The following ZNF385B variants were observed in gnomAD, a reference collection of about 807,000 sequenced individuals.
ZNF385B encodes the protein zinc finger protein 385B.
Under a neutral mutation model 39.2 loss-of-function variants are expected in ZNF385B, and 23 were observed. The observed-to-expected ratio is 0.59, with a 90% CI of 0.42 to 0.83. ZNF385B has a LOEUF of 0.83. Among genes scored for constraint, ZNF385B ranks in the 40% least tolerant of loss-of-function variants. The pLI, the probability that ZNF385B is intolerant of heterozygous loss-of-function variation, is 0.00. For missense variants in ZNF385B, 552 were observed against 598.9 expected, an observed-to-expected ratio of 0.92 and a Z score of 0.82; for synonymous variants, 205 against 222.6, an observed-to-expected ratio of 0.92 and a Z score of 0.70.
At chr2:179,624,185 T>C (rs12612821) in intron 3 of ZNF385B, among the ~76,000 whole-genome samples, 23,377 of 152,134 alleles carry the variant, frequency 0.15, 1,941 homozygotes, top group East Asian at 0.25. Context: ...ATTTATTTTC[T>C]CTAGGTATTT....
At chr2:179,753,447 T>C (rs356410) in intron 3 of ZNF385B, among the ~76,000 whole-genome samples, 4 of 152,148 alleles carry the variant, frequency 2.6e-5, no homozygotes, top group African/African-American at 9.7e-5. Flanking sequence ...ATATGAACTT[T>C]AAAGTAGTTT....
At chr2:179,707,987 C>A (rs150783073) in intron 3 of ZNF385B, among the ~76,000 whole-genome samples, 129 of 152,330 alleles carry the variant, frequency 8.5e-4, no homozygotes, top group Middle Eastern at 3.4e-3. Flanking sequence ...AAGGCCAAGG[C>A]TCCAGAATCT....
At chr2:179,737,063 C>T (rs1032741401) in intron 3 of ZNF385B, among the ~76,000 whole-genome samples, 1 of 152,180 alleles carries the variant, frequency 6.6e-6, no homozygotes, top group Admixed American at 6.5e-5. Flanking sequence ...AACCTCATCA[C>T]ATTGTTTATT....
chr2:179,729,147 A>G (rs969104766), intron 3 of ZNF385B, among the ~76,000 whole-genome samples: 1 of 146,312 alleles, frequency 6.8e-6, no homozygotes, highest in Non-Finnish European at 1.5e-5. Flanking sequence ...AAAAAAAAAA[A>G]CCAAGGAAAT....
intron 3 of ZNF385B, among the ~76,000 whole-genome samples, chr2:179,556,528 C>T (rs776807213): frequency 1.3e-5 from 2 of 149,642 alleles, no homozygotes; most frequent in East Asian, 3.9e-4. Context: ...ATGTCATGTG[C>T]TTAGTTTCTA....
rs150183324 is a variant in ZNF385B at position 179,814,447 on chromosome 2, T to A, written c.-154-43775A>T. Reference sequence around the variant, plus strand: ...ATTTTTCTTGTGAATATTACCAAAGTACCTGACTTCAACAAAATGTATGAG... The same window carrying A: ...ATTTTTCTTGTGAATATTACCAAAGAACCTGACTTCAACAAAATGTATGAG... On this transcript the variant is annotated intron_variant, in intron 1 of 9. Coordinates refer to ENST00000410066, the MANE Select transcript of ZNF385B (RefSeq NM_152520.6). 2,141 of 482,098 alleles carry A rather than the reference T, an allele frequency of 4.4e-3. 58 individuals carry two copies. The Admixed American group carries it at 0.045, about 10-fold the overall frequency. The allele number at this position is 482,098 out of a possible 1,614,324, so 29.9% of individuals were successfully genotyped here.
intron 5 of ZNF385B, among the ~76,000 whole-genome samples, chr2:179,485,936 T>A (rs1429900661): frequency 6.6e-6 from 1 of 152,138 alleles, no homozygotes; most frequent in East Asian, 1.9e-4. Flanking sequence ...TTCATACATA[T>A]CTTTTTAGAT....
At chr2:179,473,499 T>C (rs566498058) in intron 6 of ZNF385B, among the ~76,000 whole-genome samples, 1 of 152,156 alleles carries the variant, frequency 6.6e-6, no homozygotes, top group South Asian at 2.1e-4. Flanking sequence ...ACAACAATCC[T>C]AGGAGGTAGG....
At chr2:179,718,706 C>A (rs1700487781) in intron 3 of ZNF385B, among the ~76,000 whole-genome samples, 1 of 150,404 alleles carries the variant, frequency 6.6e-6, no homozygotes, top group Non-Finnish European at 1.5e-5. Context: ...CATTTCTTTA[C>A]AAATTTCTAT....
chr2:179,530,543 CT>C (rs2059192911), intron 4 of ZNF385B, among the ~76,000 whole-genome samples: 1 of 152,162 alleles, frequency 6.6e-6, no homozygotes, highest in African/African-American at 2.4e-5. Context: ...CAAAACCATT[CT>C]GTCAAAGCTA....
At chr2:179,673,349 C>T (rs561208111) in intron 3 of ZNF385B, among the ~76,000 whole-genome samples, 43 of 152,056 alleles carry the variant, frequency 2.8e-4, no homozygotes, top group African/African-American at 9.4e-4. Context: ...GAGCAAAAGA[C>T]AGAAACAGAA....
At chr2:179,740,896 T>G (rs1025062867) in intron 3 of ZNF385B, among the ~76,000 whole-genome samples, 2 of 152,030 alleles carry the variant, frequency 1.3e-5, no homozygotes, top group Non-Finnish European at 2.9e-5. Context: ...ATGATCAGAT[T>G]GAAATAAGGG....
intron 3 of ZNF385B, among the ~76,000 whole-genome samples, chr2:179,658,693 T>C (rs1477141852): frequency 1.3e-5 from 2 of 152,238 alleles, no homozygotes; most frequent in East Asian, 3.8e-4. Context: ...TTAAATACAC[T>C]GAAAAGTAAA....
intron 3 of ZNF385B, among the ~76,000 whole-genome samples, chr2:179,734,961 A>G (rs1701644982): frequency 6.6e-6 from 1 of 152,086 alleles, no homozygotes; most frequent in African/African-American, 2.4e-5. Context: ...CATTCAGGAC[A>G]TAGGCATGGG....
chr2:179,759,076 A>G (rs1473320226), intron 3 of ZNF385B, among the ~76,000 whole-genome samples: 1 of 152,036 alleles, frequency 6.6e-6, no homozygotes, highest in Non-Finnish European at 1.5e-5. Context: ...TTCCCTTTGG[A>G]TCACTTTTCT....
intron 3 of ZNF385B, among the ~76,000 whole-genome samples, chr2:179,631,008 C>T (rs1691153168): frequency 6.6e-6 from 1 of 152,206 alleles, no homozygotes. Flanking sequence ...CTCCAAGAAA[C>T]AGGGGGCTAT....
At chr2:179,539,834 G>C (rs768450435) in intron 4 of ZNF385B, among the ~76,000 whole-genome samples, 9 of 152,120 alleles carry the variant, frequency 5.9e-5, no homozygotes, top group Non-Finnish European at 1.2e-4. Flanking sequence ...TTTTCAGTTT[G>C]CTGATGTTTC....
chr2:179,586,516 T>C (rs1687086634), intron 3 of ZNF385B, among the ~76,000 whole-genome samples: 1 of 152,186 alleles, frequency 6.6e-6, no homozygotes, highest in Admixed American at 6.5e-5. Context: ...ACTCATCTAA[T>C]GAGTGGCTAA....
chr2:179,589,783 T>C (rs1235239990), intron 3 of ZNF385B, among the ~76,000 whole-genome samples: 1 of 152,154 alleles, frequency 6.6e-6, no homozygotes, highest in Non-Finnish European at 1.5e-5. Context: ...TTGTGAAAAG[T>C]CCCACTGTGC....
Sources: allele counts gnomAD v4.1 joint callset (sites outside exome capture counted in the v4.1 genomes callset), GRCh38; gene constraint gnomAD v4.1.1; transcripts MANE v1.5; gene names NCBI Gene and HGNC (gene_info 2026-07-23, HGNC 2026-07-21).